CA10: variants seen among roughly 807,000 people sequenced by gnomAD.
CA10 encodes carbonic anhydrase-related protein 10.
Under a neutral mutation model 44.2 loss-of-function variants are expected in CA10, and 14 were observed. That is an observed-to-expected ratio of 0.32 (90% CI 0.21 to 0.50). The LOEUF is 0.50. Ranked by LOEUF, CA10 falls within the 20% of genes least tolerant of loss-of-function variation. The pLI is 0.99. For synonymous variants in CA10, 159 were observed against 141.6 expected (o/e 1.12, Z -0.87); for missense variants, 350 against 409.7 (o/e 0.85, Z 1.26).
intron 3 of CA10, among the ~76,000 whole-genome samples, chr17:51,790,659 A>T (rs970520276): frequency 6.6e-6 from 1 of 152,194 alleles, no homozygotes; most frequent in African/African-American, 2.4e-5. Flanking sequence ...GGAATAAAAA[A>T]TATATTGGTG....
chr17:51,879,308 A>G (rs932813810), intron 3 of CA10, among the ~76,000 whole-genome samples: 2 of 152,252 alleles, frequency 1.3e-5, no homozygotes, highest in South Asian at 4.1e-4. Flanking sequence ...ATTACTGGGG[A>G]GACAAATACT....
intron 6 of CA10, among the ~76,000 whole-genome samples, chr17:51,644,800 C>CTT (rs148441183): frequency 0.03 from 3,594 of 121,054 alleles, 123 homozygotes; most frequent in South Asian, 0.057. Flanking sequence ...CATTTCTTGG[C>CTT]TTTTTTTTTT....
At chr17:52,038,255 G>A (rs550093924) in intron 2 of CA10, among the ~76,000 whole-genome samples, 51 of 152,264 alleles carry the variant, frequency 3.3e-4, no homozygotes, top group African/African-American at 1.1e-3. Context: ...GACGGCTTAC[G>A]AAGAAGAGGA....
At chr17:51,672,001 CTG>C (rs1381393549) in intron 4 of CA10, among the ~76,000 whole-genome samples, 3 of 152,206 alleles carry the variant, frequency 2.0e-5, no homozygotes, top group Non-Finnish European at 4.4e-5. Flanking sequence ...CACTTCATAA[CTG>C]TGACTTAGGG....
chr17:51,705,819 C>A (rs1328648703), intron 4 of CA10, among the ~76,000 whole-genome samples: 1 of 152,000 alleles, frequency 6.6e-6, no homozygotes, highest in Non-Finnish European at 1.5e-5. Context: ...GTAGAGGTGA[C>A]AGGTAGAGAT....
intron 2 of CA10, among the ~76,000 whole-genome samples, chr17:51,969,684 A>T (rs1416627510): frequency 1.3e-5 from 2 of 151,918 alleles, no homozygotes; most frequent in Non-Finnish European, 2.9e-5. Flanking sequence ...ATATTTATTG[A>T]GTACCCCCTG....
intron 7 of CA10, among the ~76,000 whole-genome samples, 160 bp from the exon 8 acceptor site, chr17:51,633,810 AGCTG>A (rs1163254141): frequency 2.0e-5 from 3 of 152,212 alleles, no homozygotes; most frequent in Non-Finnish European, 4.4e-5. Flanking sequence ...GGTTCAGTTG[AGCTG>A]AAGGCCCATT....
chr17:51,657,245 CA>C (rs1157355907), intron 4 of CA10, among the ~76,000 whole-genome samples: 9 of 152,176 alleles, frequency 5.9e-5, no homozygotes, highest in Admixed American at 1.3e-4. Flanking sequence ...TTTTTGTTCT[CA>C]GCTGTAAGAA....
chr17:51,724,704 C>T (rs896076852), intron 4 of CA10, among the ~76,000 whole-genome samples: 1 of 152,148 alleles, frequency 6.6e-6, no homozygotes, highest in Admixed American at 6.5e-5. Flanking sequence ...AGGTTTGCAA[C>T]TGAAAATACA....
intron 3 of CA10, among the ~76,000 whole-genome samples, chr17:51,823,347 G>A (rs978476532): frequency 4.6e-5 from 7 of 152,228 alleles, no homozygotes; most frequent in Non-Finnish European, 8.8e-5. Context: ...GTAAGGAGCA[G>A]CCCTCCAGTT....
chr17:52,093,393 C>G (rs570719280), intron 1 of CA10, among the ~76,000 whole-genome samples: 1 of 152,198 alleles, frequency 6.6e-6, no homozygotes, highest in East Asian at 1.9e-4. Flanking sequence ...AGGTTTTTCC[C>G]TCTTTGTACA....
At chr17:51,868,414 G>A (rs558424674) in intron 3 of CA10, among the ~76,000 whole-genome samples, 15 of 152,192 alleles carry the variant, frequency 9.9e-5, no homozygotes, top group Admixed American at 2.0e-4. Flanking sequence ...TAAGCGTGCC[G>A]TCTCCTGCCT....
At chr17:51,815,100 G>C (rs561337336) in intron 3 of CA10, among the ~76,000 whole-genome samples, 1 of 152,178 alleles carries the variant, frequency 6.6e-6, no homozygotes, top group African/African-American at 2.4e-5. Context: ...TCTAGAAGCA[G>C]CTCCACCCCC....
chr17:51,963,834 G>A (rs1983981819), intron 2 of CA10, among the ~76,000 whole-genome samples: 2 of 152,052 alleles, frequency 1.3e-5, no homozygotes, highest in Non-Finnish European at 2.9e-5. Flanking sequence ...ATATCTCACA[G>A]GCCCTATAAA....
chr17:51,964,650 C>T (rs1984013925), intron 2 of CA10, among the ~76,000 whole-genome samples: 1 of 151,698 alleles, frequency 6.6e-6, no homozygotes, highest in Admixed American at 6.6e-5. Flanking sequence ...TAACAACTTG[C>T]TTCTGAATGT....
At position 51,896,817 on chromosome 17, in the gene CA10, G is replaced by T. The variant is rs566505569; in HGVS notation, c.279+34173C>A. Reference sequence around the variant, plus strand: ...TGGTATCTCATTGTGGTTTTGATTTGCATTTCTCTAATGATTAGTGATGTT... The same window carrying T: ...TGGTATCTCATTGTGGTTTTGATTTTCATTTCTCTAATGATTAGTGATGTT... On this transcript the variant is annotated intron_variant, in intron 3 of 8. Transcript: ENST00000451037. 5.9e-5 allele frequency among the ~76,000 whole-genome samples: 9 copies of T among 152,172 alleles called. No individual in the cohort carries two copies. The East Asian group carries it at 1.7e-3, about 29-fold the overall frequency.
At chr17:51,924,597 C>CTTTGGCT (rs1982352526) in intron 3 of CA10, among the ~76,000 whole-genome samples, 1 of 152,182 alleles carries the variant, frequency 6.6e-6, no homozygotes, top group South Asian at 2.1e-4. Context: ...CAACAAGCTC[C>CTTTGGCT]TTTGGCTTCT....
chr17:51,979,239 CAGAT>C (rs1241555397), intron 2 of CA10, among the ~76,000 whole-genome samples: 3 of 152,038 alleles, frequency 2.0e-5, no homozygotes, highest in African/African-American at 7.2e-5. Flanking sequence ...AAGCCTGTAA[CAGAT>C]AGAAAAAAGT....
At chr17:51,712,677 C>T (rs1915977929) in intron 4 of CA10, among the ~76,000 whole-genome samples, 1 of 152,202 alleles carries the variant, frequency 6.6e-6, no homozygotes. Context: ...ATGAGCATCT[C>T]ATTGTTTTAT....
Sources: gnomAD v4.1 joint callset for allele counts (sites outside exome capture counted in the v4.1 genomes callset) on GRCh38, gnomAD v4.1.1 for gene constraint, MANE v1.5 for transcripts, NCBI Gene and HGNC (gene_info 2026-07-23, HGNC 2026-07-21) for gene names.